The following PLEKHG1 variants were observed in gnomAD, a reference collection of about 807,000 sequenced individuals.
PLEKHG1 encodes the protein pleckstrin homology and RhoGEF domain containing G1.
In PLEKHG1, 44 loss-of-function variants were observed where a neutral mutation model predicts 100.8. The ratio of observed to expected loss-of-function variants is 0.44; its 90% CI spans 0.34 to 0.56. The LOEUF is 0.56. Ranked by LOEUF, PLEKHG1 falls within the 20% of genes least tolerant of loss-of-function variation. PLEKHG1 has a pLI of 0.01. For missense variants in PLEKHG1, 1,545 were observed against 1,720.9 expected, an observed-to-expected ratio of 0.90 and a Z score of 1.81; for synonymous variants, 640 against 662.5, an observed-to-expected ratio of 0.97 and a Z score of 0.52.
intron 2 of PLEKHG1, among the ~76,000 whole-genome samples, chr6:150,757,290 C>T (rs1381246775): frequency 6.6e-6 from 1 of 152,106 alleles, no homozygotes; most frequent in Non-Finnish European, 1.5e-5. Context: ...CGTGAGCCAC[C>T]GCACCCCACC....
chr6:150,745,617 A>C (rs1283324422), intron 2 of PLEKHG1, among the ~76,000 whole-genome samples: 1 of 150,688 alleles, frequency 6.6e-6, no homozygotes, highest in Non-Finnish European at 1.5e-5. Flanking sequence ...TGGGAGGCAG[A>C]GGTTGCAGTG....
chr6:150,619,246 C>G lies in PLEKHG1; in HGVS notation c.-203-18834C>G, dbSNP rs539950026. ...TCAAAGGTCATCTGAGTTTTGCACTCAGTTTCTCCTTCCAGTGGTCTCCTT... is the reference window on the plus strand; with the variant it reads ...TCAAAGGTCATCTGAGTTTTGCACTGAGTTTCTCCTTCCAGTGGTCTCCTT... On this transcript the variant is annotated intron_variant, in intron 1 of 3. Coordinates refer to the PLEKHG1 transcript ENST00000367326. 6.6e-5 allele frequency among the ~76,000 whole-genome samples: 10 copies of G among 152,280 alleles called. No individual in the cohort carries two copies. The South Asian group carries it at 1.9e-3, about 28-fold the overall frequency.
intron 3 of PLEKHG1, among the ~76,000 whole-genome samples, chr6:150,702,221 C>T (rs1780818312): frequency 6.6e-6 from 1 of 152,206 alleles, no homozygotes. Context: ...CCTATAATCC[C>T]AGCACTTTGG....
At chr6:150,737,048 G>A (rs1015202318) in intron 2 of PLEKHG1, among the ~76,000 whole-genome samples, 1 of 152,086 alleles carries the variant, frequency 6.6e-6, no homozygotes, top group Non-Finnish European at 1.5e-5. Context: ...TCACTAGAAT[G>A]CTTTGCATCA....
At chr6:150,726,985 G>A (rs7773537) in intron 1 of PLEKHG1, among the ~76,000 whole-genome samples, 26,544 of 152,104 alleles carry the variant, frequency 0.17, 3,495 homozygotes, top group African/African-American at 0.37. Context: ...ACAAAACTGC[G>A]CTGTATATTA....
chr6:150,721,914 T>C (rs550277015), intron 1 of PLEKHG1, among the ~76,000 whole-genome samples: 22 of 152,322 alleles, frequency 1.4e-4, no homozygotes, highest in Middle Eastern at 3.4e-3. Flanking sequence ...AAAATTATTT[T>C]AATTTAAAAT....
At chr6:150,782,675 G>T (rs906898946) in intron 3 of PLEKHG1, among the ~76,000 whole-genome samples, 1 of 152,138 alleles carries the variant, frequency 6.6e-6, no homozygotes, top group Admixed American at 6.6e-5. Flanking sequence ...ATCCAGCTAT[G>T]TTCTATTAAG....
upstream of PLEKHG1, among the ~76,000 whole-genome samples, chr6:150,718,871 A>G (rs777295444): frequency 9.6e-4 from 141 of 147,444 alleles, no homozygotes; most frequent in Non-Finnish European, 1.8e-3. Context: ...AATACTTGGT[A>G]CTAGGATCAA....
chr6:150,795,037 T>TA (rs201595018), intron 4 of PLEKHG1, among the ~76,000 whole-genome samples: 4,891 of 151,254 alleles, frequency 0.032, 148 homozygotes, highest in Admixed American at 0.095. Flanking sequence ...AAGTAAAAGT[T>TA]AAAAAAAAAT....
At chr6:150,682,462 G>A (rs1380654480) in intron 3 of PLEKHG1, among the ~76,000 whole-genome samples, 2 of 151,976 alleles carry the variant, frequency 1.3e-5, no homozygotes, top group African/African-American at 4.8e-5. Context: ...CAGACATGGA[G>A]GCTTGGGGAA....
At chr6:150,819,889 G>A (rs1776201309) in intron 12 of PLEKHG1, 115 bp downstream of exon 13, 2 of 707,220 alleles carry the variant, frequency 2.8e-6, no homozygotes, top group Non-Finnish European at 2.6e-6. Context: ...CTGCCGGTCT[G>A]AATACATTTG....
At chr6:150,704,572 G>A (rs1780930003) in intron 3 of PLEKHG1, among the ~76,000 whole-genome samples, 2 of 152,254 alleles carry the variant, frequency 1.3e-5, no homozygotes, top group South Asian at 2.1e-4. Context: ...TGGAGCACTG[G>A]TTCTCAACCT....
intron 7 of PLEKHG1, among the ~76,000 whole-genome samples, chr6:150,806,395 T>G (rs1349265033): frequency 6.6e-6 from 1 of 151,962 alleles, no homozygotes; most frequent in African/African-American, 2.4e-5. Flanking sequence ...AGAAAATTTT[T>G]AAATGAGGGC....
chr6:150,819,644 C>T (rs747123289), intron 11 of PLEKHG1, 35 bp from the exon 13 acceptor site: 2 of 1,188,688 alleles, frequency 1.7e-6, no homozygotes, highest in African/African-American at 1.5e-5. Context: ...CCCCTGACAC[C>T]ACAGTCCCAC....
Position 150,698,979 on chromosome 6 carries a change from G to A in PLEKHG1, c.-98-34605G>A, listed in dbSNP as rs549840287. ...AGCTGGTACAAAGGCATATTTCAAA[G>A]TAACATTAAATGAGATGAAATTGGT... On this transcript the variant is annotated intron_variant, in intron 3 of 3. Transcript: ENST00000367326. 2.8e-4 allele frequency among the ~76,000 whole-genome samples: 43 copies of A among 152,298 alleles called. 2 individuals are homozygous for A. In the South Asian group the frequency reaches 7.0e-3, roughly 25 times the overall value.
chr6:150,735,787 C>A (rs1782531653), intron 2 of PLEKHG1, among the ~76,000 whole-genome samples: 1 of 152,138 alleles, frequency 6.6e-6, no homozygotes, highest in South Asian at 2.1e-4. Context: ...TCTACCTAAT[C>A]TAAAACTCAC....
intron 3 of PLEKHG1, among the ~76,000 whole-genome samples, chr6:150,714,441 C>T (rs1781348396): frequency 6.6e-6 from 1 of 152,142 alleles, no homozygotes. Flanking sequence ...GGAACGTGTG[C>T]CCTTCAAGGC....
At chr6:150,665,129 G>A (rs1028763597) in intron 3 of PLEKHG1, among the ~76,000 whole-genome samples, 3 of 152,162 alleles carry the variant, frequency 2.0e-5, no homozygotes, top group Admixed American at 6.5e-5. Flanking sequence ...TGCATGATCT[G>A]TGAGAAACTG....
intron 1 of PLEKHG1, among the ~76,000 whole-genome samples, chr6:150,721,431 C>T (rs761042251): frequency 2.0e-5 from 3 of 152,124 alleles, no homozygotes; most frequent in Non-Finnish European, 4.4e-5. Context: ...GAACTGCAGC[C>T]TGTCTTCAAT....
Sources: gnomAD v4.1 joint callset for allele counts (sites outside exome capture counted in the v4.1 genomes callset) on GRCh38, gnomAD v4.1.1 for gene constraint, MANE v1.5 for transcripts, NCBI Gene and HGNC (gene_info 2026-07-23, HGNC 2026-07-21) for gene names.